SUGP1: variants seen among roughly 807,000 people sequenced by gnomAD.
SUGP1 encodes SURP and G-patch domain containing 1.
In SUGP1, 34 loss-of-function variants were observed where a neutral mutation model predicts 76.5. The observed-to-expected ratio is 0.44, with a 90% CI of 0.34 to 0.59. SUGP1 has a LOEUF of 0.59. Ranked by LOEUF, SUGP1 falls within the 20% of genes least tolerant of loss-of-function variation. The pLI is 0.01. For missense variants in SUGP1, 752 were observed against 851.7 expected (o/e 0.88, Z 1.46); for synonymous variants, 326 against 326.2 (o/e 1.00, Z 0.01).
intron 8 of SUGP1, among the ~76,000 whole-genome samples, chr19:19,286,295 G>A (rs554555874): frequency 6.6e-6 from 1 of 152,278 alleles, no homozygotes; most frequent in Admixed American, 6.5e-5. Context: ...CTAGATTGGG[G>A]GGTCGTAAAA....
chr19:19,297,219 G>C lies in SUGP1; in HGVS notation c.1013C>G (p.Ser338Cys), dbSNP rs749458200. Reference sequence around the variant, plus strand: ...GGACCCTGACAGGGCCTCAGGAGGGGACTTGCGCTTCAGGCCGGGATCAGG... The same window carrying C: ...GGACCCTGACAGGGCCTCAGGAGGGCACTTGCGCTTCAGGCCGGGATCAGG... ...TAPDPGLKRK[S>C]PPEALSGSLP... Residue 338 changes from serine to cysteine, a missense_variant, in exon 8 of 14, where the codon TCC (serine) becomes TGC (cysteine). This residue lies in a region of SUGP1 where 620 missense variants were observed against 617.3 expected (regional missense o/e 1.00). Transcript: ENST00000247001. The C allele has an allele frequency of 2.1e-5, 33 of 1,600,940 alleles. No individual in the cohort carries two copies. The highest frequency in any genetic ancestry group is 1.2e-4 in the South Asian group (11 of 90,442).
intron 8 of SUGP1, among the ~76,000 whole-genome samples, chr19:19,284,922 G>A (rs1012917671): frequency 2.6e-5 from 4 of 151,026 alleles, no homozygotes; most frequent in Admixed American, 6.6e-5. Context: ...CGCCCAGGCC[G>A]GACTGCAGTG....
At chr19:19,277,160 C>A in intron 12 of SUGP1, 84 bp from the exon 13 acceptor site, 4 of 1,502,154 alleles carry the variant, frequency 2.7e-6, no homozygotes, top group Middle Eastern at 1.7e-4. Context: ...CTCAACAGCA[C>A]CTCCCGCGGG....
chr19:19,285,082 T>C, intron 8 of SUGP1, among the ~76,000 whole-genome samples: 1 of 151,800 alleles, frequency 6.6e-6, no homozygotes, highest in Non-Finnish European at 1.5e-5. Context: ...TTAGCCAGGA[T>C]GGTCTCGATC....
intron 8 of SUGP1, among the ~76,000 whole-genome samples, chr19:19,292,626 C>T (rs1308208064): frequency 6.6e-6 from 1 of 151,986 alleles, no homozygotes; most frequent in Non-Finnish European, 1.5e-5. Flanking sequence ...GATCGCGCTA[C>T]TGCACTCCAG....
At chr19:19,295,111 A>C (rs577874315) in intron 8 of SUGP1, among the ~76,000 whole-genome samples, 7 of 152,162 alleles carry the variant, frequency 4.6e-5, no homozygotes, top group Non-Finnish European at 8.8e-5. Flanking sequence ...CAGCCTGGGT[A>C]ACATACTGAG....
At chr19:19,307,288 C>G (rs2061324349) in intron 3 of SUGP1, among the ~76,000 whole-genome samples, 1 of 151,928 alleles carries the variant, frequency 6.6e-6, no homozygotes, top group South Asian at 2.1e-4. Context: ...CTCTTAGATT[C>G]AAGCGATCCT....
intron 8 of SUGP1, among the ~76,000 whole-genome samples, chr19:19,283,733 C>T (rs1284969194): frequency 1.3e-5 from 2 of 152,186 alleles, no homozygotes; most frequent in East Asian, 1.9e-4. Flanking sequence ...GGATTACAGG[C>T]GTGAGCCACC....
chr19:19,296,743 G>A (rs1599857493), intron 8 of SUGP1, among the ~76,000 whole-genome samples: 1 of 152,104 alleles, frequency 6.6e-6, no homozygotes. Flanking sequence ...AACTGAAAAC[G>A]ATTCAGATAG....
chr19:19,318,139 T>C (rs2061409102), intron 1 of SUGP1, among the ~76,000 whole-genome samples: 1 of 126,788 alleles, frequency 7.9e-6, no homozygotes, highest in Admixed American at 8.4e-5. Flanking sequence ...TTTTTTGAGA[T>C]GAAGTATTGC....
At chr19:19,313,463 T>C (rs1010092225) in intron 2 of SUGP1, among the ~76,000 whole-genome samples, 2 of 152,060 alleles carry the variant, frequency 1.3e-5, no homozygotes, top group African/African-American at 4.8e-5. Context: ...GTAAACCTAA[T>C]GCTTTGGGAG....
At chr19:19,279,520 T>C (rs2061081085) in intron 9 of SUGP1, 130 bp from the exon 10 acceptor site, 1 of 994,566 alleles carries the variant, frequency 1.0e-6, no homozygotes, top group South Asian at 1.6e-5. Flanking sequence ...TGGGCAGGAC[T>C]GGAGCAAGGA....
At chr19:19,310,511 T>C (rs1429107009) in intron 2 of SUGP1, among the ~76,000 whole-genome samples, 1 of 152,194 alleles carries the variant, frequency 6.6e-6, no homozygotes, top group Non-Finnish European at 1.5e-5. Flanking sequence ...TGGCTCCTGC[T>C]CTCTCTGCAC....
At chr19:19,304,304 C>T (rs182548536) in intron 4 of SUGP1, among the ~76,000 whole-genome samples, 80 of 152,224 alleles carry the variant, frequency 5.3e-4, no homozygotes, top group Admixed American at 1.4e-3. Context: ...AGAAGCTCTG[C>T]GGCCGGTGGA....
chr19:19,306,329 C>T lies in SUGP1; in HGVS notation c.311-253G>A, dbSNP rs551853425. On this transcript the variant is annotated intron_variant, in intron 3 of 13. Coordinates refer to ENST00000247001, the MANE Select transcript of SUGP1 (RefSeq NM_172231.4). The stretch of plus-strand genomic sequence containing the variant: ...TGGGCCGCTGTGGCTGGAGGCATCT[C>T]GGTCGCGCTGCACCCACAGACTGGG... Among the ~76,000 whole-genome samples, 15 of 152,306 alleles carry T rather than the reference C, an allele frequency of 9.8e-5. No individual in the cohort carries two copies. The South Asian group carries it at 2.5e-3, about 25-fold the overall frequency.
At chr19:19,299,190 A>G (rs1377173589) in intron 7 of SUGP1, among the ~76,000 whole-genome samples, 1 of 152,174 alleles carries the variant, frequency 6.6e-6, no homozygotes, top group Non-Finnish European at 1.5e-5. Context: ...AGCTGATGAC[A>G]TAAGCCTTTC....
intron 3 of SUGP1, 51 bp downstream of exon 3, chr19:19,310,046 C>A: frequency 2.0e-6 from 3 of 1,482,164 alleles, no homozygotes; most frequent in South Asian, 1.1e-5. Flanking sequence ...GCCCAGCAAC[C>A]CCAGGGGGAG....
At chr19:19,298,123 T>C (rs1599858851) in intron 7 of SUGP1, among the ~76,000 whole-genome samples, 2 of 152,200 alleles carry the variant, frequency 1.3e-5, no homozygotes, top group African/African-American at 4.8e-5. Context: ...GGACCTGCAC[T>C]TGTGAATCTG....
intron 2 of SUGP1, among the ~76,000 whole-genome samples, chr19:19,315,637 C>T (rs1285003410): frequency 1.3e-5 from 2 of 152,212 alleles, no homozygotes; most frequent in African/African-American, 4.8e-5. Context: ...TCTCCCCTTC[C>T]TGCCCTCTGC....
Sources: allele counts gnomAD v4.1 joint callset (sites outside exome capture counted in the v4.1 genomes callset), GRCh38; gene constraint gnomAD v4.1.1; regional missense constraint gnomAD v4.1.1; transcripts MANE v1.5; gene names NCBI Gene and HGNC (gene_info 2026-07-23, HGNC 2026-07-21).